The following ABI3BP variants were observed in gnomAD, a reference collection of about 807,000 sequenced individuals.
ABI3BP encodes the protein ABI family member 3 binding protein, also known as target of Nesh-SH3.
A neutral mutation model predicts 268.6 loss-of-function variants in ABI3BP; 216 were observed. That is an observed-to-expected ratio of 0.80 (90% CI 0.72 to 0.90). The LOEUF (loss-of-function observed/expected upper bound fraction) is 0.90. Among genes scored for constraint, ABI3BP ranks in the 40% least tolerant of loss-of-function variants. ABI3BP has a pLI of 0.00. For missense variants in ABI3BP, 2,090 were observed against 2,182.4 expected, an observed-to-expected ratio of 0.96 and a Z score of 0.84; for synonymous variants, 730 against 730.0, an observed-to-expected ratio of 1.00 and a Z score of 0.00.
chr3:100,796,431 A>G lies in ABI3BP; in HGVS notation c.3795T>C (p.Pro1265=), dbSNP rs1392473121. 3 of 1,601,360 alleles carry G rather than the reference A, an allele frequency of 1.9e-6. No individual in the cohort carries two copies. The highest frequency in any genetic ancestry group is 1.7e-6 in the Non-Finnish European group (2 of 1,173,784). Residue 1265 remains proline, a synonymous_variant, in exon 52 of 68, where the codon CCT becomes CCC. Coordinates refer to ENST00000471714, the MANE Select transcript of ABI3BP (RefSeq NM_001375547.2). ...KDVLLPHKPY[P]EVSQSEPVLQ... Reference sequence around the variant, plus strand: ...TACCAGGTTCGCTCTGAGAGACCTCAGGGTATGGTTTATGAGGAAGGAGCA... The same window carrying G: ...TACCAGGTTCGCTCTGAGAGACCTCGGGGTATGGTTTATGAGGAAGGAGCA...
In ABI3BP at chr3:100,792,734, T is replaced by G; in HGVS notation, c.3981A>C (p.Thr1327=). The change falls in exon 55 of 68, where the codon ACA becomes ACC. Residue 1327 remains threonine, a synonymous_variant. Transcript: ENST00000471714. ...ETDQSTQEPF[T]TKIPRTTELA... ...GTTCAGTTGTTCGTGGAATCTTAGT[T>G]GTGAAAGGTTCTTGGGTGGATTGGT... 6.2e-7 allele frequency: 1 copy of G among 1,611,682 alleles called. No individual in the cohort carries two copies. Among genetic ancestry groups the G allele is most frequent in the Non-Finnish European group, 8.5e-7 (1 of 1,178,336 alleles).
chr3:100,793,605 A>G (rs530535582), intron 54 of ABI3BP, among the ~76,000 whole-genome samples: 7 of 152,120 alleles, frequency 4.6e-5, no homozygotes, highest in African/African-American at 1.7e-4. Context: ...GGCACTATTG[A>G]TTTTGCAGAA....
rs973924176 is a variant in ABI3BP at position 100,780,160 on chromosome 3, C to T, written c.4212G>A (p.Val1404=). 2.8e-5 allele frequency: 45 copies of T among 1,612,718 alleles called. No homozygotes were observed. The highest frequency in any genetic ancestry group is 3.2e-5 in the Non-Finnish European group (38 of 1,179,200). The change falls in exon 58 of 68, where the codon GTG becomes GTA. Residue 1404 remains valine (V), a synonymous_variant. Transcript: ENST00000471714. ...GCTTTTTAGTGGGGTGGGTAGAGTC[C>T]ACTGATACATTTCTATCAGCACCTG... is the stretch of plus-strand genomic sequence containing the variant. ...RPSGADRNVS[V]DSTHPTKKPG... is the part of the protein sequence containing the mutation.
chr3:100,841,064 G>T (rs1352975920), intron 21 of ABI3BP, among the ~76,000 whole-genome samples: 1 of 152,090 alleles, frequency 6.6e-6, no homozygotes, highest in South Asian at 2.1e-4. Context: ...TAGCCAGTCA[G>T]TTAAGTTTGG....
At chr3:100,918,282 G>GTCCACCCATCCACCCA (rs149446394) in intron 2 of ABI3BP, among the ~76,000 whole-genome samples, 1 of 149,202 alleles carries the variant, frequency 6.7e-6, no homozygotes, top group South Asian at 2.1e-4. Context: ...TCATCCACCC[G>GTCCACCCATCCACCCA]TCCACCCATC....
intron 19 of ABI3BP, 53 bp from the exon 20 acceptor site, chr3:100,846,499 G>A (rs1266943336): frequency 1.3e-5 from 18 of 1,343,308 alleles, no homozygotes; most frequent in East Asian, 1.0e-4. Flanking sequence ...AGGCATTTCA[G>A]TGTCTAAAAA....
chr3:100,788,223 T>C (rs116025743), intron 56 of ABI3BP, among the ~76,000 whole-genome samples: 124 of 152,280 alleles, frequency 8.1e-4, no homozygotes, highest in African/African-American at 2.8e-3. Flanking sequence ...CCACATCCTT[T>C]TGTGGGAATC....
At chr3:100,983,503 T>G (rs1325722035) in intron 1 of ABI3BP, among the ~76,000 whole-genome samples, 1 of 152,172 alleles carries the variant, frequency 6.6e-6, no homozygotes, top group Non-Finnish European at 1.5e-5. Context: ...TTGAATTCAT[T>G]TTTCTTCTTC....
At chr3:100,914,818 G>A (rs966005455) in intron 2 of ABI3BP, among the ~76,000 whole-genome samples, 13 of 152,132 alleles carry the variant, frequency 8.5e-5, no homozygotes, top group African/African-American at 3.1e-4. Context: ...AAGGTTGTCT[G>A]GAAGAAAAGA....
At chr3:100,905,193 T>C (rs568118508) in intron 2 of ABI3BP, among the ~76,000 whole-genome samples, 5 of 151,982 alleles carry the variant, frequency 3.3e-5, no homozygotes, top group Non-Finnish European at 5.9e-5. Context: ...TTCTCACTCA[T>C]AGGTGGGAAT....
At chr3:100,893,719 A>G (rs2045859996) in intron 4 of ABI3BP, among the ~76,000 whole-genome samples, 1 of 152,192 alleles carries the variant, frequency 6.6e-6, no homozygotes, top group Non-Finnish European at 1.5e-5. Context: ...AGCTTAGAAT[A>G]CATAACAGGA....
Position 100,808,154 on chromosome 3 carries a change from T to A in ABI3BP, c.3682+7A>T, listed in dbSNP as rs2152452658. 1 of 1,609,348 alleles carries A rather than the reference T, an allele frequency of 6.2e-7. No homozygotes were observed. The highest frequency in any genetic ancestry group is 1.1e-5 in the South Asian group (1 of 90,506). ...TTTTCAAGCTAAAATGTAAAATATA[T>A]ATTTACCTGGTTGTGTTTGTGGGAT... On this transcript the variant is annotated splice_region_variant and intron_variant, in intron 50 of 67. Coordinates refer to ENST00000471714, the MANE Select transcript of ABI3BP (RefSeq NM_001375547.2).
chr3:100,790,928 G>A lies in ABI3BP; in HGVS notation c.4025-1412C>T, dbSNP rs2097181196. Among the ~76,000 whole-genome samples the A allele has an allele frequency of 3.3e-5, 5 of 151,964 alleles. No homozygotes were observed. In the South Asian group the frequency reaches 1.0e-3, roughly 32 times the overall value. On this transcript the variant is annotated intron_variant, in intron 55 of 67. Transcript: ENST00000471714. ...ATAATCAGCACTACATGATTTCAAA[G>A]CCATGGCATCTGAATTTTTGTTTTA...
At chr3:100,751,433 A>C in intron 67 of ABI3BP, 119 bp downstream of exon 67, 2 of 1,068,664 alleles carry the variant, frequency 1.9e-6, no homozygotes, top group Non-Finnish European at 2.4e-6. Flanking sequence ...ATTTTTTCCT[A>C]GATATGTGGA....
chr3:100,932,192 A>G (rs529096462), intron 1 of ABI3BP, among the ~76,000 whole-genome samples: 5 of 152,106 alleles, frequency 3.3e-5, no homozygotes, highest in Admixed American at 2.0e-4. Context: ...TTCACCATAT[A>G]TAAAAATCAA....
At chr3:100,858,369 G>A (rs755599737) in intron 14 of ABI3BP, among the ~76,000 whole-genome samples, 44 of 152,170 alleles carry the variant, frequency 2.9e-4, no homozygotes, top group Non-Finnish European at 4.7e-4. Flanking sequence ...AATGCAGGAA[G>A]AATATATTTG....
rs2099162622 is a variant in ABI3BP at position 100,876,540 on chromosome 3, T to C, written c.717A>G (p.Lys239=). Residue 239 remains lysine (K), a synonymous_variant, in exon 7 of 68, where the codon AAA becomes AAG. Coordinates refer to ENST00000471714, the MANE Select transcript of ABI3BP (RefSeq NM_001375547.2). ...DHTVPAYVPR[K]LIPITIIKQV... The stretch of plus-strand genomic sequence containing the variant: ...GCTTGATGATTGTTATTGGGATTAG[T>C]TTCCTTGGGACATATGCTGGCTGCA... 6.2e-7 allele frequency: 1 copy of C among 1,613,702 alleles called. No individual in the cohort carries two copies. Among genetic ancestry groups the C allele is most frequent in the Non-Finnish European group, 8.5e-7 (1 of 1,179,696 alleles).
At chr3:100,897,185 T>C (rs1158245265) in intron 4 of ABI3BP, among the ~76,000 whole-genome samples, 1 of 152,168 alleles carries the variant, frequency 6.6e-6, no homozygotes, top group African/African-American at 2.4e-5. Flanking sequence ...AAATGAAAGA[T>C]GCTGACAACA....
At chr3:100,800,643 A>G (rs137985003) in intron 51 of ABI3BP, among the ~76,000 whole-genome samples, 89 of 152,068 alleles carry the variant, frequency 5.9e-4, no homozygotes, top group African/African-American at 2.0e-3. Flanking sequence ...ATGCCCGGCT[A>G]ATTTTTTGTA....
Sources: allele counts gnomAD v4.1 joint callset (sites outside exome capture counted in the v4.1 genomes callset), GRCh38; gene constraint gnomAD v4.1.1; transcripts MANE v1.5; gene names NCBI Gene and HGNC (gene_info 2026-07-23, HGNC 2026-07-21).